The following HMCN1 variants were observed in gnomAD, a reference collection of about 807,000 sequenced individuals.
HMCN1 encodes the protein hemicentin 1.
HMCN1 carries 321 observed loss-of-function variants against 625.9 expected under a neutral mutation model. The ratio of observed to expected loss-of-function variants is 0.51; its 90% CI spans 0.47 to 0.56. The LOEUF (loss-of-function observed/expected upper bound fraction) is 0.56. Ranked by LOEUF, HMCN1 falls within the 20% of genes least tolerant of loss-of-function variation. The pLI, the probability that HMCN1 is intolerant of heterozygous loss-of-function variation, is 0.00. For missense variants in HMCN1, 6,588 were observed against 6,887.3 expected (o/e 0.96, Z 1.54); for synonymous variants, 2,425 against 2,417.6 (o/e 1.00, Z -0.09).
chr1:185,808,767 G>C (rs1052515872), intron 1 of HMCN1, among the ~76,000 whole-genome samples: 2 of 152,106 alleles, frequency 1.3e-5, no homozygotes, highest in Non-Finnish European at 2.9e-5. Context: ...GATGTAAGAG[G>C]TTAACTATTC....
In HMCN1 at chr1:185,980,378, A is replaced by G. The variant is rs117543614; in HGVS notation, c.2567-600A>G. ...CTAAAGTTCTGTCTTTCTTCTGCAC[A>G]TACAGAATTAGGTTGCAGACTCATG... On this transcript the variant is annotated intron_variant, in intron 16 of 106. Coordinates refer to ENST00000271588, the MANE Select transcript of HMCN1 (RefSeq NM_031935.3). Among the ~76,000 whole-genome samples, 436 of 152,312 alleles carry G rather than the reference A, an allele frequency of 2.9e-3. 14 individuals are homozygous for G. The East Asian group carries it at 0.031, about 11-fold the overall frequency.
In HMCN1 at chr1:186,162,685, C is replaced by T. The variant is rs1462899602; in HGVS notation, c.15257-2426C>T. 2.0e-5 allele frequency among the ~76,000 whole-genome samples: 3 copies of T among 152,190 alleles called. No individual in the cohort carries two copies. In the East Asian group the frequency reaches 5.8e-4, roughly 29 times the overall value. The stretch of plus-strand genomic sequence containing the variant: ...GAGTTTGCTAGAGGTCCACTCCAGA[C>T]CCTGTTTGCCTGGGTATCAGCAGAG... On this transcript the variant is annotated intron_variant, in intron 97 of 106. Transcript: ENST00000271588.
rs755664691 is a variant in HMCN1, at chr1:185,984,264, C to T, written c.2886C>T (p.Ala962=). ...ATGGTGGTGAATATACTTGTGTGGCCAGTAACGTTGCTGGGACCAATAACA... is the reference window on the plus strand; with the variant it reads ...ATGGTGGTGAATATACTTGTGTGGCTAGTAACGTTGCTGGGACCAATAACA... ...LQDGGEYTCV[A]SNVAGTNNKT... is the part of the protein sequence containing the mutation. Residue 962 remains alanine, a synonymous_variant, in exon 19 of 107, where the codon GCC becomes GCT. Transcript: ENST00000271588. 13 of 1,613,808 alleles carry T rather than the reference C, an allele frequency of 8.1e-6. No homozygotes were observed. The highest frequency in any genetic ancestry group is 7.7e-5 in the South Asian group (7 of 91,068).
At chr1:185,758,740 C>T (rs1484343682) in intron 1 of HMCN1, among the ~76,000 whole-genome samples, 1 of 151,958 alleles carries the variant, frequency 6.6e-6, no homozygotes, top group African/African-American at 2.4e-5. Flanking sequence ...ATTTTTCTTC[C>T]TCTTTCCATT....
intron 1 of HMCN1, among the ~76,000 whole-genome samples, chr1:185,803,205 C>CAAAAAAAAAAAAAAAA: frequency 5.1e-4 from 30 of 58,778 alleles, no homozygotes; most frequent in Non-Finnish European, 9.2e-4. Flanking sequence ...AAAAAAAAAG[C>CAAAAAAAAAAAAAAAA]AAAAAAAAAA....
At position 185,778,061 on chromosome 1, in the gene HMCN1, C is replaced by T. The variant is rs192916572; in HGVS notation, c.268+43014C>T. The stretch of plus-strand genomic sequence containing the variant: ...TTTCCTCCCCTAATTGGGGAACTTT[C>T]TTACTCCCTTGAGTTTCAGATCTTC... On this transcript the variant is annotated intron_variant, in intron 1 of 106. Transcript: ENST00000271588. Among the ~76,000 whole-genome samples the T allele has an allele frequency of 3.7e-3, 568 of 152,290 alleles. 3 individuals are homozygous for T. The highest frequency in any genetic ancestry group is 7.7e-3 in the South Asian group (37 of 4,830).
chr1:186,100,728 T>A (rs1337463043), intron 68 of HMCN1, among the ~76,000 whole-genome samples: 1 of 152,116 alleles, frequency 6.6e-6, no homozygotes, highest in Non-Finnish European at 1.5e-5. Flanking sequence ...TGAAATATGG[T>A]GGGTTAAACA....
chr1:186,068,067 C>T, intron 50 of HMCN1, 60 bp downstream of exon 50: 1 of 1,406,372 alleles, frequency 7.1e-7, no homozygotes, highest in Non-Finnish European at 1.0e-6. Flanking sequence ...TCTAGAAAAG[C>T]AGAATCATTG....
chr1:186,077,685 T>G (rs182965325), intron 54 of HMCN1, among the ~76,000 whole-genome samples: 1 of 152,310 alleles, frequency 6.6e-6, no homozygotes, highest in Admixed American at 6.5e-5. Context: ...CTCATAAGAA[T>G]GTATGTAAAA....
At chr1:185,829,964 T>C (rs1001085531) in intron 1 of HMCN1, among the ~76,000 whole-genome samples, 3 of 152,332 alleles carry the variant, frequency 2.0e-5, no homozygotes, top group Admixed American at 2.0e-4. Context: ...TGGTATCTCA[T>C]TGTGGTTTTG....
intron 4 of HMCN1, among the ~76,000 whole-genome samples, chr1:185,898,138 G>A (rs1665588992): frequency 1.3e-5 from 2 of 152,098 alleles, no homozygotes; most frequent in Admixed American, 1.3e-4. Context: ...CCCTGTAGAG[G>A]GAGCTTTCAC....
chr1:185,963,962 C>A, intron 13 of HMCN1, 67 bp downstream of exon 13: 4 of 1,407,794 alleles, frequency 2.8e-6, no homozygotes, highest in Non-Finnish European at 4.0e-6. Context: ...TGCAAAAGTA[C>A]TTTTTTGAAA....
At chr1:185,950,914 T>C (rs1363660358) in intron 11 of HMCN1, among the ~76,000 whole-genome samples, 2 of 151,804 alleles carry the variant, frequency 1.3e-5, no homozygotes, top group Non-Finnish European at 2.9e-5. Flanking sequence ...TTGTAAGGCT[T>C]GTCTGGTTTT....
At chr1:186,160,171 T>G (rs548683503) in intron 97 of HMCN1, among the ~76,000 whole-genome samples, 11 of 150,626 alleles carry the variant, frequency 7.3e-5, no homozygotes, top group East Asian at 3.9e-4. Flanking sequence ...GTCCAGGAAT[T>G]TATCCATTTC....
intron 9 of HMCN1, among the ~76,000 whole-genome samples, chr1:185,926,239 A>G (rs908352212): frequency 6.6e-6 from 1 of 152,208 alleles, no homozygotes; most frequent in African/African-American, 2.4e-5. Context: ...TAAGATGTTA[A>G]ATGTTTGACA....
chr1:186,161,854 T>G (rs1402614858), intron 97 of HMCN1, among the ~76,000 whole-genome samples: 1 of 152,216 alleles, frequency 6.6e-6, no homozygotes, highest in Non-Finnish European at 1.5e-5. Flanking sequence ...GCCCTTAACA[T>G]TTTTTCCTTC....
chr1:186,083,048 A>C (rs1044805039), intron 57 of HMCN1, 87 bp downstream of exon 57: 3 of 666,104 alleles, frequency 4.5e-6, no homozygotes, highest in Non-Finnish European at 5.1e-6. Context: ...CTTATTTTGT[A>C]TTTTTTAACT....
intron 6 of HMCN1, among the ~76,000 whole-genome samples, chr1:185,912,419 G>A (rs1476268118): frequency 2.6e-5 from 4 of 152,024 alleles, no homozygotes; most frequent in Non-Finnish European, 5.9e-5. Context: ...ATCTTAAGTG[G>A]TATATATTTC....
Position 186,146,377 on chromosome 1 carries a change from A to G in HMCN1, c.14608+454A>G, listed in dbSNP as rs142327732. ...TTATCAAGTTCAGCCTGAGTCATGC[A>G]TTGCATCTAGCAAGTGATGTAAAAA... On this transcript the variant is annotated intron_variant, in intron 93 of 106. Transcript: ENST00000271588. 4.6e-5 allele frequency among the ~76,000 whole-genome samples: 7 copies of G among 152,314 alleles called. No individual in the cohort carries two copies. In the East Asian group the frequency reaches 1.4e-3, roughly 29 times the overall value.
Sources: allele counts gnomAD v4.1 joint callset (sites outside exome capture counted in the v4.1 genomes callset), GRCh38; gene constraint gnomAD v4.1.1; transcripts MANE v1.5; gene names NCBI Gene and HGNC (gene_info 2026-07-23, HGNC 2026-07-21).